The following PDE9A variants were observed in gnomAD, a reference collection of about 807,000 sequenced individuals.
The protein encoded by PDE9A is high affinity cGMP-specific 3',5'-cyclic phosphodiesterase 9A.
A neutral mutation model predicts 87.4 loss-of-function variants in PDE9A; 60 were observed. The ratio of observed to expected loss-of-function variants is 0.69; its 90% CI spans 0.56 to 0.85. The LOEUF (loss-of-function observed/expected upper bound fraction) is 0.85, where lower values mean the gene tolerates loss of function less well. PDE9A is among the 40% of genes least tolerant of loss of function. PDE9A has a pLI of 0.00. For missense variants in PDE9A, 665 were observed against 779.0 expected (o/e 0.85, Z 1.74); for synonymous variants, 272 against 279.4 (o/e 0.97, Z 0.27).
intron 3 of PDE9A, among the ~76,000 whole-genome samples, chr21:42,689,110 C>G (rs1312032088): frequency 6.6e-6 from 1 of 151,380 alleles, no homozygotes; most frequent in Non-Finnish European, 1.5e-5. Flanking sequence ...CACCATCCCA[C>G]TCAGCGAGGT....
intron 1 of PDE9A, among the ~76,000 whole-genome samples, chr21:42,661,605 G>A (rs1407816704): frequency 6.6e-6 from 1 of 152,112 alleles, no homozygotes; most frequent in South Asian, 2.1e-4. Flanking sequence ...CATTGTGTGC[G>A]TGGACCACAT....
intron 13 of PDE9A, among the ~76,000 whole-genome samples, chr21:42,761,554 G>A (rs143046214): frequency 6.6e-6 from 1 of 152,352 alleles, no homozygotes; most frequent in Non-Finnish European, 1.5e-5. Context: ...GTGTGTTTGT[G>A]TGATGTCATC....
intron 14 of PDE9A, among the ~76,000 whole-genome samples, chr21:42,763,993 T>C (rs561535954): frequency 4.8e-4 from 73 of 152,338 alleles, no homozygotes; most frequent in African/African-American, 1.7e-3. Context: ...AATGCCACCA[T>C]GTGCCAGAGG....
chr21:42,706,948 G>A (rs1451664937), intron 4 of PDE9A, among the ~76,000 whole-genome samples: 6 of 152,144 alleles, frequency 3.9e-5, no homozygotes, highest in East Asian at 1.9e-4. Flanking sequence ...CTTTATGGCT[G>A]GATGACGTTC....
chr21:42,686,377 A>G (rs980944851), intron 2 of PDE9A, 115 bp downstream of exon 2: 1 of 784,154 alleles, frequency 1.3e-6, no homozygotes, highest in Non-Finnish European at 2.2e-6. Context: ...GGCCTTCTAC[A>G]AGGGGCTCTT....
At chr21:42,773,975 G>C (rs1380123424) in intron 19 of PDE9A, among the ~76,000 whole-genome samples, 1 of 150,626 alleles carries the variant, frequency 6.6e-6, no homozygotes, top group Non-Finnish European at 1.5e-5. Context: ...CGTGGTGGTG[G>C]GTGCCTGTAT....
At chr21:42,728,690 G>A (rs1393788499) in intron 4 of PDE9A, among the ~76,000 whole-genome samples, 1 of 152,004 alleles carries the variant, frequency 6.6e-6, no homozygotes, top group Non-Finnish European at 1.5e-5. Flanking sequence ...TGGTATCAGG[G>A]TAATACCAAC....
intron 15 of PDE9A, among the ~76,000 whole-genome samples, chr21:42,767,833 C>T (rs1014045896): frequency 6.6e-6 from 1 of 152,214 alleles, no homozygotes; most frequent in Admixed American, 6.5e-5. Flanking sequence ...CTATGGCATG[C>T]CCAACCCTGG....
At position 42,717,556 on chromosome 21, in the gene PDE9A, A is replaced by T. The variant is rs146411414; in HGVS notation, c.263-14214A>T. On this transcript the variant is annotated intron_variant, in intron 4 of 19. Transcript: ENST00000291539. ...GAGACTCCATCTCAAAAAAAAAAAA[A>T]TTTTTTTGTATTTTTAGTAGAGACG... Among the ~76,000 whole-genome samples, 613 of 149,346 alleles carry T rather than the reference A, an allele frequency of 4.1e-3. 2 individuals carry two copies. Among genetic ancestry groups the T allele is most frequent in the African/African-American group, 0.013 (542 of 40,800 alleles).
intron 4 of PDE9A, among the ~76,000 whole-genome samples, chr21:42,708,481 C>T (rs2049022941): frequency 6.6e-6 from 1 of 152,194 alleles, no homozygotes; most frequent in Admixed American, 6.5e-5. Flanking sequence ...CCATACCCAC[C>T]CACTGCTGTG....
rs1235799231 is a variant in PDE9A at position 42,759,831 on chromosome 21, G to T, written c.898-497G>T. On this transcript the variant is annotated intron_variant, in intron 11 of 19. Coordinates refer to ENST00000291539, the MANE Select transcript of PDE9A (RefSeq NM_002606.3). The surrounding 1 kb of genome is among the most constrained non-coding windows in gnomAD (Gnocchi z 7.2). ...TGTGCATGTGTGTGTGTGGATGTGG[G>T]GTGTGTGAGTGTGTGGTGTGTGAGT... Among the ~76,000 whole-genome samples, 10 of 150,182 alleles carry T rather than the reference G, an allele frequency of 6.7e-5. No homozygotes were observed. The East Asian group carries it at 1.8e-3, about 27-fold the overall frequency.
At chr21:42,710,725 C>G (rs747094648) in intron 4 of PDE9A, among the ~76,000 whole-genome samples, 10 of 152,342 alleles carry the variant, frequency 6.6e-5, no homozygotes, top group Non-Finnish European at 1.5e-4. Context: ...CGGTGGCTCA[C>G]GCCTGTAATC....
chr21:42,746,691 G>A (rs1214926018), intron 8 of PDE9A, among the ~76,000 whole-genome samples: 5 of 152,320 alleles, frequency 3.3e-5, no homozygotes, highest in African/African-American at 4.8e-5. Flanking sequence ...AACACACCAC[G>A]TGGGAGGATA....
At chr21:42,742,355 G>A (rs751886641) in intron 7 of PDE9A, among the ~76,000 whole-genome samples, 8 of 151,886 alleles carry the variant, frequency 5.3e-5, no homozygotes, top group South Asian at 2.1e-4. Flanking sequence ...CATTCGGGGC[G>A]CAGAGTTTTT....
rs2060109048 is a variant in PDE9A at position 42,695,743 on chromosome 21, A to C, written c.219-3225A>C. ...AGTTAGATCTTAGAAAAAGACAAAT[A>C]CAGTAGAAGCTGGAGGCAAGCTTAT... On this transcript the variant is annotated intron_variant, in intron 3 of 19. Transcript: ENST00000291539. This position sits in a 1 kb window ranked among gnomAD's most constrained non-coding sequence, Gnocchi z 4.3. 6.6e-6 allele frequency among the ~76,000 whole-genome samples: 1 copy of C among 152,208 alleles called. No individual in the cohort carries two copies. Among genetic ancestry groups the C allele is most frequent in the Admixed American group, 6.5e-5 (1 of 15,290 alleles).
rs2055564008 is a variant in PDE9A, at chr21:42,760,292, A to C, written c.898-36A>C. ...TTTGGGAGGAGAGGTGGGCGGGCCC[A>C]GGCACAGGGTGACTCGGACCCCCTG... On this transcript the variant is annotated intron_variant, in intron 11 of 19. Transcript: ENST00000291539. This position sits in a 1 kb window ranked among gnomAD's most constrained non-coding sequence, Gnocchi z 5.2. The C allele has an allele frequency of 6.9e-6, 9 of 1,303,332 alleles. No individual in the cohort carries two copies. Among genetic ancestry groups the C allele is most frequent in the African/African-American group, 1.4e-5 (1 of 70,420 alleles). The allele number at this position is 1,303,332 out of a possible 1,614,324, so 80.7% of individuals were successfully genotyped here.
In PDE9A at chr21:42,694,842, G is replaced by C. The variant is rs1340391930; in HGVS notation, c.219-4126G>C. Among the ~76,000 whole-genome samples the C allele has an allele frequency of 2.6e-5, 4 of 152,244 alleles. No individual in the cohort carries two copies. Among genetic ancestry groups the C allele is most frequent in the African/African-American group, 9.6e-5 (4 of 41,544 alleles). On this transcript the variant is annotated intron_variant, in intron 3 of 19. Transcript: ENST00000291539. This position sits in a 1 kb window ranked among gnomAD's most constrained non-coding sequence, Gnocchi z 5.3. ...GCTACAGGACACTCTCCAGCCCCCC[G>C]CATTGGGATGTCTGGCCCCAATCCA...
chr21:42,703,273 G>C (rs2048526102), intron 4 of PDE9A, among the ~76,000 whole-genome samples: 1 of 152,244 alleles, frequency 6.6e-6, no homozygotes, highest in Admixed American at 6.5e-5. Context: ...CCTCTCGGCT[G>C]TCGGCTCCCA....
chr21:42,690,295 C>T (rs1028301618), intron 3 of PDE9A, among the ~76,000 whole-genome samples: 4 of 152,090 alleles, frequency 2.6e-5, no homozygotes, highest in South Asian at 2.1e-4. Context: ...GGAAGTTAGA[C>T]GCGGATGAGG....
Sources: allele counts gnomAD v4.1 joint callset (sites outside exome capture counted in the v4.1 genomes callset), GRCh38; gene constraint gnomAD v4.1.1; non-coding constraint Gnocchi (gnomAD v3.1); transcripts MANE v1.5; gene names NCBI Gene and HGNC (gene_info 2026-07-23, HGNC 2026-07-21).